TLK2: variants seen among roughly 807,000 people sequenced by gnomAD.
TLK2 encodes tousled like kinase 2.
A neutral mutation model predicts 117.3 loss-of-function variants in TLK2; 6 were observed. The observed-to-expected ratio is 0.05, with a 90% CI of 0.03 to 0.10. The LOEUF (loss-of-function observed/expected upper bound fraction) is 0.10. Among genes scored for constraint, TLK2 ranks in the 10% least tolerant of loss-of-function variants. TLK2 has a pLI of 1.00. For missense variants in TLK2, 299 were observed against 901.2 expected (o/e 0.33, Z 8.56); for synonymous variants, 257 against 316.7 (o/e 0.81, Z 2.00).
chr17:62,552,511 A>G, intron 8 of TLK2, 114 bp downstream of exon 8: 6 of 1,521,988 alleles, frequency 3.9e-6, no homozygotes, highest in Non-Finnish European at 5.3e-6. Flanking sequence ...TGACCACCTC[A>G]TTATTTGTGT....
At chr17:62,512,935 A>G (rs373347045) in intron 2 of TLK2, among the ~76,000 whole-genome samples, 3 of 148,710 alleles carry the variant, frequency 2.0e-5, no homozygotes, top group African/African-American at 7.4e-5. Flanking sequence ...CTGGAGTGCA[A>G]TGGTGCGATC....
At chr17:62,483,201 G>A (rs1039799296) in intron 2 of TLK2, among the ~76,000 whole-genome samples, 40 of 104,616 alleles carry the variant, frequency 3.8e-4, no homozygotes, top group African/African-American at 1.6e-3. Context: ...CCCCACCCCC[G>A]CCTCCCGTAA....
chr17:62,475,949 C>T (rs924411674), upstream of TLK2, among the ~76,000 whole-genome samples: 9 of 151,962 alleles, frequency 5.9e-5, no homozygotes, highest in South Asian at 8.3e-4. Context: ...CGTGAGCCAC[C>T]GCTCCCAGCC....
chr17:62,514,531 T>C (rs1316933999), intron 2 of TLK2, among the ~76,000 whole-genome samples: 3 of 152,090 alleles, frequency 2.0e-5, no homozygotes, highest in Non-Finnish European at 4.4e-5. Flanking sequence ...CAAAAACTTT[T>C]TAATTGTGGT....
intron 2 of TLK2, among the ~76,000 whole-genome samples, chr17:62,482,200 C>CA (rs905679313): frequency 6.6e-6 from 1 of 151,992 alleles, no homozygotes; most frequent in African/African-American, 2.4e-5. Flanking sequence ...CCACCTGCCT[C>CA]AGCCTCCCAA....
Position 62,532,203 on chromosome 17 carries a change from A to G in TLK2, c.364-3967A>G, listed in dbSNP as rs527426554. Among the ~76,000 whole-genome samples, 74 of 152,134 alleles carry G rather than the reference A, an allele frequency of 4.9e-4. 1 individual carries two copies. The South Asian group carries it at 0.015, about 30-fold the overall frequency. Reference sequence around the variant, plus strand: ...TTGTTGTTGTTGTTGTTGTTCGCCCATATTTTATCCTATCTGTATAGTTTT... The same window carrying G: ...TTGTTGTTGTTGTTGTTGTTCGCCCGTATTTTATCCTATCTGTATAGTTTT... On this transcript the variant is annotated intron_variant, in intron 6 of 21. Transcript: ENST00000346027.
intron 5 of TLK2, among the ~76,000 whole-genome samples, chr17:62,523,496 C>A (rs1325634190): frequency 6.6e-6 from 1 of 152,206 alleles, no homozygotes; most frequent in African/African-American, 2.4e-5. Flanking sequence ...GGGAGGATCA[C>A]TTGAGCCTGA....
intron 16 of TLK2, among the ~76,000 whole-genome samples, chr17:62,591,106 G>A (rs963233610): frequency 2.6e-5 from 4 of 152,012 alleles, no homozygotes; most frequent in Non-Finnish European, 4.4e-5. Context: ...AAAATTAGCT[G>A]GGCATGGTGG....
chr17:62,514,078 T>C (rs531903003), intron 2 of TLK2, among the ~76,000 whole-genome samples: 4 of 152,096 alleles, frequency 2.6e-5, no homozygotes, highest in Admixed American at 1.3e-4. Context: ...CTTTTGAGGA[T>C]TGTGTTTAAA....
At chr17:62,553,906 A>G (rs1224290975) in intron 9 of TLK2, 151 bp downstream of exon 9, 6 of 575,702 alleles carry the variant, frequency 1.0e-5, no homozygotes, top group Admixed American at 6.4e-5. Flanking sequence ...GAATCTGAGT[A>G]GGAACCAGGT....
intron 14 of TLK2, 87 bp downstream of exon 14, chr17:62,578,661 A>G: frequency 9.8e-7 from 1 of 1,018,308 alleles, no homozygotes; most frequent in Non-Finnish European, 1.5e-6. Flanking sequence ...TGTTTGCTTA[A>G]TGTAAGTTAC....
At chr17:62,526,640 T>A (rs891212866) in intron 6 of TLK2, among the ~76,000 whole-genome samples, 1 of 152,160 alleles carries the variant, frequency 6.6e-6, no homozygotes, top group Admixed American at 6.6e-5. Flanking sequence ...TGCTTTCCCT[T>A]CCCTACCATA....
At chr17:62,574,565 C>G (rs906077883) in intron 12 of TLK2, among the ~76,000 whole-genome samples, 1 of 151,882 alleles carries the variant, frequency 6.6e-6, no homozygotes, top group African/African-American at 2.4e-5. Flanking sequence ...TCGCCCAGGC[C>G]AGAGTGCAGT....
At chr17:62,551,757 T>TTC (rs2078481643) in intron 7 of TLK2, 1 of 155,024 alleles carries the variant, frequency 6.5e-6, no homozygotes, top group Non-Finnish European at 1.4e-5. Context: ...TTAACCTGAA[T>TTC]AGGTTAATTA....
intron 11 of TLK2, among the ~76,000 whole-genome samples, chr17:62,571,049 T>C (rs1025187445): frequency 6.6e-6 from 1 of 152,210 alleles, no homozygotes; most frequent in Non-Finnish European, 1.5e-5. Context: ...TTTACTAGTT[T>C]TTTAATTGGG....
chr17:62,576,791 A>G lies in TLK2; in HGVS notation c.1188+16A>G. The G allele has an allele frequency of 6.3e-7, 1 of 1,592,850 alleles. No individual in the cohort carries two copies. The highest frequency in any genetic ancestry group is 8.6e-7 in the Non-Finnish European group (1 of 1,162,628). On this transcript the variant is annotated intron_variant, in intron 13 of 21. Coordinates refer to ENST00000346027, the MANE Select transcript of TLK2 (RefSeq NM_006852.6). ...TCTTAAAAAGGTAAGTATAATGAGA[A>G]AATCTCCCTGGAGAAATGTGATACC...
intron 2 of TLK2, among the ~76,000 whole-genome samples, chr17:62,492,401 G>A (rs971319187): frequency 1.3e-4 from 19 of 151,806 alleles, no homozygotes; most frequent in African/African-American, 4.4e-4. Flanking sequence ...GAATAAGGAT[G>A]GTGTCTGTTT....
chr17:62,552,243 A>G, intron 7 of TLK2, 59 bp from the exon 8 acceptor site: 2 of 1,342,474 alleles, frequency 1.5e-6, no homozygotes, highest in Admixed American at 2.0e-5. Flanking sequence ...CATTAATACA[A>G]GTGTTTGTGG....
intron 16 of TLK2, among the ~76,000 whole-genome samples, chr17:62,588,065 CATCTGTATATGTATAAAATATACGTAT>C: frequency 1.5e-5 from 2 of 133,534 alleles, no homozygotes; most frequent in Non-Finnish European, 3.2e-5. Context: ...TATACGTATA[CATCTGTATATGTATAAAATATACGTAT>C]ACATCTGTAT....
Sources: allele counts gnomAD v4.1 joint callset (sites outside exome capture counted in the v4.1 genomes callset), GRCh38; gene constraint gnomAD v4.1.1; transcripts MANE v1.5; gene names NCBI Gene and HGNC (gene_info 2026-07-23, HGNC 2026-07-21).